Variants in CEP170B observed in about 807,000 individuals in gnomAD.
CEP170B encodes centrosomal protein of 170 kDa protein B.
In CEP170B, 55 loss-of-function variants were observed where a neutral mutation model predicts 120.6. The ratio of observed to expected loss-of-function variants is 0.46; its 90% confidence interval spans 0.37 to 0.57. CEP170B has a LOEUF of 0.57. Among genes scored for constraint, CEP170B ranks in the 20% least tolerant of loss-of-function variants. The pLI, the probability that CEP170B is intolerant of heterozygous loss-of-function variation, is 0.00. For synonymous variants in CEP170B, 1,033 were observed against 954.5 expected (o/e 1.08, Z -1.52); for missense variants, 2,212 against 2,253.3 (o/e 0.98, Z 0.37).
intron 1 of CEP170B, among the ~76,000 whole-genome samples, chr14:104,866,335 A>G (rs939741657): frequency 6.6e-6 from 1 of 152,250 alleles, no homozygotes; most frequent in Middle Eastern, 3.4e-3. Context: ...GCAGAGGGTG[A>G]GGCCTAGGAG....
In CEP170B at chr14:104,875,559, C is replaced by T. The variant is rs182381269; in HGVS notation, c.106-697C>T. On this transcript the variant is annotated intron_variant, in intron 2 of 18. Coordinates refer to ENST00000414716, the MANE Select transcript of CEP170B (RefSeq NM_001112726.3). ...TGCAGCGCTGTGTGGAGTTGGGGGC[C>T]GGGTGGGCAGCAGCTGTGCTCGCAG... is the stretch of plus-strand genomic sequence containing the variant. 2.4e-3 allele frequency among the ~76,000 whole-genome samples: 360 copies of T among 151,808 alleles called. 15 individuals are homozygous for T. In the East Asian group the frequency reaches 0.049, roughly 21 times the overall value.
Position 104,896,519 on chromosome 14 carries a change from G to A in CEP170B, c.*1561G>A. The A allele has an allele frequency of 2.2e-6, 1 of 452,948 alleles. No individual in the cohort carries two copies. The highest frequency in any genetic ancestry group is 1.6e-5 in the South Asian group (1 of 64,472). 28.1% of individuals were successfully genotyped at this position (452,948 alleles called of 1,614,324 possible). ...GGCTCCTTCCCACCCCTCGGCAGTG[G>A]CTGTGCAATGTTTTAAGTTCACAAG... On this transcript the variant is annotated 3_prime_UTR_variant, in exon 19 of 19. Coordinates refer to ENST00000414716, the MANE Select transcript of CEP170B (RefSeq NM_001112726.3).
rs191439514 is a variant in CEP170B, at chr14:104,883,177, C to G, written c.720C>G (p.Pro240=). The G allele has an allele frequency of 6.3e-7, 1 of 1,598,064 alleles. No individual in the cohort carries two copies. The highest frequency in any genetic ancestry group is 1.1e-5 in the South Asian group (1 of 90,366). The change falls in exon 8 of 19, where the codon CCC becomes CCG. Residue 240 remains proline, a synonymous_variant. Coordinates refer to ENST00000414716, the MANE Select transcript of CEP170B (RefSeq NM_001112726.3). The part of the protein sequence containing the change: ...TKETPQPSQP[P]EVPAHEMPTK... ...AGACCCCGCAGCCGTCGCAGCCCCC[C>G]GAGGTGCCGGCACACGAGATGCCCA...
In CEP170B at chr14:104,882,829, C is replaced by T. The variant is rs755398773; in HGVS notation, c.574C>T (p.Pro192Ser). The T allele has an allele frequency of 2.4e-5, 38 of 1,611,348 alleles. No individual in the cohort carries two copies. Among genetic ancestry groups the T allele is most frequent in the African/African-American group, 2.3e-4 (17 of 74,816 alleles). ...CGCCCAGCGCCAGGGAGAGCCCTAC[C>T]CAGGTTGGTCTTGGGGCCAGGCTGG... ...PDAQRQGEPY[P>S]ERPKGPVQQD... The change falls in exon 7 of 19, where the codon CCA (proline) becomes TCA (serine). Residue 192 changes from proline to serine, a missense_variant. This residue lies in a region of CEP170B where 2,166 missense variants were observed against 2,166.7 expected (regional missense o/e 1.00). Transcript: ENST00000414716.
In CEP170B at chr14:104,893,590, G is replaced by C. The variant is rs778584880; in HGVS notation, c.4106G>C (p.Arg1369Pro). 1 of 1,603,316 alleles carries C rather than the reference G, an allele frequency of 6.2e-7. No homozygotes were observed. Among genetic ancestry groups the C allele is most frequent in the Non-Finnish European group, 8.5e-7 (1 of 1,176,210 alleles). Residue 1369 changes from arginine (R) to proline (P), a missense_variant, in exon 15 of 19, where the codon CGG becomes CCG. Physicochemically the swap from Arg to Pro is moderately radical, Grantham distance 103. Transcript: ENST00000414716. ...GTGCCGCCCGGCTCGCTGAACTCTC[G>C]GGACTTTGACCAGAACATGAACGAC... ...QKVPPGSLNS[R>P]DFDQNMNDSC...
rs1360449470 is a variant in CEP170B at position 104,867,906 on chromosome 14, C to G, written c.-27-518C>G. Among the ~76,000 whole-genome samples, 2 of 152,128 alleles carry G rather than the reference C, an allele frequency of 1.3e-5. No homozygotes were observed. Among genetic ancestry groups the G allele is most frequent in the Non-Finnish European group, 2.9e-5 (2 of 68,006 alleles). ...AGCTCTGTCCCTGCTGCCCCTCACC[C>G]CAGGCCCTGCCTGGGGCTCAGTCTC... On this transcript the variant is annotated intron_variant, in intron 1 of 18. Coordinates refer to ENST00000414716, the MANE Select transcript of CEP170B (RefSeq NM_001112726.3). This position sits in a 1 kb window ranked among gnomAD's most constrained non-coding sequence, Gnocchi z 5.4.
chr14:104,878,059 G>C, intron 4 of CEP170B, 96 bp downstream of exon 4: 1 of 1,017,660 alleles, frequency 9.8e-7, no homozygotes, highest in Admixed American at 2.1e-5. Flanking sequence ...GTCACTGCTG[G>C]GGTTGCTGGG....
rs980024320 is a variant in CEP170B, at chr14:104,893,415, G to A, written c.4039-108G>A. On this transcript the variant is annotated intron_variant, in intron 14 of 18. Coordinates refer to ENST00000414716, the MANE Select transcript of CEP170B (RefSeq NM_001112726.3). ...GCACAGGAGGGACCTTGCACAGACG[G>A]AAGGTGGGTGTGCTCTGTCCACCTG... is the stretch of plus-strand genomic sequence containing the variant. The A allele has an allele frequency of 5.6e-5, 76 of 1,358,502 alleles. No individual in the cohort carries two copies. In the Middle Eastern group the frequency reaches 7.7e-4, roughly 14 times the overall value. The allele number at this position is 1,358,502 out of a possible 1,614,324, so 84.2% of individuals were successfully genotyped here.
At chr14:104,882,033 C>G (rs34590379) in intron 6 of CEP170B, among the ~76,000 whole-genome samples, 263 of 152,224 alleles carry the variant, frequency 1.7e-3, no homozygotes, top group Non-Finnish European at 3.0e-3. Flanking sequence ...GTGGAGGGCC[C>G]AGGAAGGAGA....
chr14:104,882,979 GGGT>G (rs1896236695), intron 7 of CEP170B, 53 bp from the exon 8 acceptor site: 2 of 1,467,190 alleles, frequency 1.4e-6, no homozygotes, highest in Non-Finnish European at 1.8e-6. Context: ...TGGCTGAGGA[GGGT>G]GGTGGCAGGT....
intron 6 of CEP170B, 143 bp downstream of exon 6, chr14:104,880,568 C>G (rs903566635): frequency 1.6e-6 from 2 of 1,255,678 alleles, no homozygotes; most frequent in East Asian, 2.6e-5. Flanking sequence ...ACACACCTAC[C>G]CTTGCACATG....
rs1895983051 is a variant in CEP170B at position 104,878,584 on chromosome 14, C to T, written c.333+83C>T. 11 of 1,459,530 alleles carry T rather than the reference C, an allele frequency of 7.5e-6. No homozygotes were observed. The Admixed American group carries it at 1.7e-4, about 23-fold the overall frequency. The allele number at this position is 1,459,530 out of a possible 1,614,324, so 90.4% of individuals were successfully genotyped here. ...CCACCATGCTCCCGCTGCCATCTCCCCAGCAAACACTCACCAGGCCTCTGG... is the reference window on the plus strand; with the variant it reads ...CCACCATGCTCCCGCTGCCATCTCCTCAGCAAACACTCACCAGGCCTCTGG... On this transcript the variant is annotated intron_variant, in intron 5 of 18. Transcript: ENST00000414716.
rs986720085 is a variant in CEP170B, at chr14:104,877,993, G to A, written c.274+30G>A. 8 of 1,568,796 alleles carry A rather than the reference G, an allele frequency of 5.1e-6. No individual in the cohort carries two copies. The African/African-American group carries it at 9.5e-5, about 19-fold the overall frequency. On this transcript the variant is annotated intron_variant, in intron 4 of 18. Transcript: ENST00000414716. ...CCTGCCCCTGAGCGTCCCTCCTCCTGGGCTTCTTCTCAGTCCCCAGGACCA... is the reference window on the plus strand; with the variant it reads ...CCTGCCCCTGAGCGTCCCTCCTCCTAGGCTTCTTCTCAGTCCCCAGGACCA...
rs768684086 is a variant in CEP170B, at chr14:104,886,808, G to A, written c.2569G>A (p.Asp857Asn). The A allele has an allele frequency of 1.1e-5, 18 of 1,611,210 alleles. No individual in the cohort carries two copies. The highest frequency in any genetic ancestry group is 3.3e-5 in the Admixed American group (2 of 60,002). The change falls in exon 12 of 19, where the codon GAC (aspartate) becomes AAC (asparagine). Residue 857 changes from aspartate (D) to asparagine (N), a missense_variant. Asp to Asn is a conservative substitution (Grantham distance 23, BLOSUM62 1). This residue lies in a region of CEP170B where 2,166 missense variants were observed against 2,166.7 expected (regional missense o/e 1.00). Transcript: ENST00000414716. ...QLRPGRSPEP[D>N]GPAPAFLRQE... is the part of the protein sequence containing the mutation. ...ACGGCCTGGACGGTCCCCAGAACCCGACGGCCCTGCCCCAGCCTTTCTCCG... is the reference window on the plus strand; with the variant it reads ...ACGGCCTGGACGGTCCCCAGAACCCAACGGCCCTGCCCCAGCCTTTCTCCG...
chr14:104,887,221 C>T lies in CEP170B; in HGVS notation c.2982C>T (p.Asp994=). Residue 994 remains aspartate, a synonymous_variant, in exon 12 of 19, where the codon GAC becomes GAT. Transcript: ENST00000414716. ...EMSPSPPAAQ[D]PGGTALVSAR... ...CGCCATCCCCGCCAGCTGCACAGGA[C>T]CCGGGAGGCACCGCCCTGGTCAGTG... is the stretch of plus-strand genomic sequence containing the variant. The T allele has an allele frequency of 2.5e-6, 4 of 1,605,924 alleles. No homozygotes were observed. In the Admixed American group the frequency reaches 5.0e-5, roughly 20 times the overall value.
At chr14:104,879,794 G>T (rs181949862) in intron 5 of CEP170B, among the ~76,000 whole-genome samples, 1 of 152,168 alleles carries the variant, frequency 6.6e-6, no homozygotes, top group Non-Finnish European at 1.5e-5. Flanking sequence ...GGTGGGAACG[G>T]CATCTCCTCG....
chr14:104,877,809 C>T (rs1595326930), intron 3 of CEP170B, 76 bp from the exon 4 acceptor site: 5 of 646,450 alleles, frequency 7.7e-6, no homozygotes, highest in Non-Finnish European at 1.2e-5. Context: ...TGCTCAGCCC[C>T]ACCACCCTGC....
At position 104,889,717 on chromosome 14, in the gene CEP170B, T is replaced by C. The variant is rs1029209082; in HGVS notation, c.3837T>C (p.Tyr1279=). The C allele has an allele frequency of 6.2e-6, 10 of 1,610,276 alleles. No individual in the cohort carries two copies. The highest frequency in any genetic ancestry group is 2.7e-5 in the African/African-American group (2 of 74,750). The part of the protein sequence containing the change: ...TDDDEEEPDP[Y]GFIVQTAEIA... ...ACGATGAGGAGGAGCCTGACCCTTA[T>C]GGTTTCATCGTGCAGACGGCAGAGA... The change falls in exon 13 of 19, where the codon TAT becomes TAC. Residue 1279 remains tyrosine (Y), a synonymous_variant. Coordinates refer to ENST00000414716, the MANE Select transcript of CEP170B (RefSeq NM_001112726.3).
chr14:104,873,786 C>T lies in CEP170B; in HGVS notation c.106-2470C>T, dbSNP rs188960736. Among the ~76,000 whole-genome samples, 320 of 152,258 alleles carry T rather than the reference C, an allele frequency of 2.1e-3. 1 individual carries two copies. Among genetic ancestry groups the T allele is most frequent in the African/African-American group, 7.6e-3 (315 of 41,554 alleles). On this transcript the variant is annotated intron_variant, in intron 2 of 18. Transcript: ENST00000414716. ...CCAGAGGGGACAGGGGCAGTAGCTCCTTCCTTCATGCCCCTGCTGGACCCC... is the reference window on the plus strand; with the variant it reads ...CCAGAGGGGACAGGGGCAGTAGCTCTTTCCTTCATGCCCCTGCTGGACCCC...
Sources: allele counts gnomAD v4.1 joint callset (sites outside exome capture counted in the v4.1 genomes callset), GRCh38; gene constraint gnomAD v4.1.1; regional missense constraint gnomAD v4.1.1; non-coding constraint Gnocchi (gnomAD v3.1); transcripts MANE v1.5; gene names NCBI Gene and HGNC (gene_info 2026-07-23, HGNC 2026-07-21).